DYSF: variants seen among roughly 807,000 people sequenced by gnomAD.
DYSF encodes the protein dystrophy-associated fer-1-like 1.
In DYSF, 212 loss-of-function variants were observed where a neutral mutation model predicts 274.9. The ratio of observed to expected loss-of-function variants is 0.77; its 90% CI spans 0.69 to 0.86. DYSF has a LOEUF of 0.86. DYSF is among the 40% of genes least tolerant of loss of function. The probability of loss-of-function intolerance (pLI) is 0.00; values close to 1 mark genes in which losing one functional copy is unlikely to be tolerated. For missense variants in DYSF, 2,666 were observed against 2,783.2 expected, an observed-to-expected ratio of 0.96 and a Z score of 0.95; for synonymous variants, 1,091 against 1,078.7, an observed-to-expected ratio of 1.01 and a Z score of -0.22.
chr2:71,522,888 G>A (rs2087453661), intron 12 of DYSF, among the ~76,000 whole-genome samples: 1 of 152,070 alleles, frequency 6.6e-6, no homozygotes. Flanking sequence ...CAAGCAGTTG[G>A]CCAGTCTTGT....
At position 71,503,714 on chromosome 2, in the gene DYSF, A is replaced by C. The variant is rs137989841; in HGVS notation, c.345+395A>C. 5.5e-4 allele frequency among the ~76,000 whole-genome samples: 83 copies of C among 152,172 alleles called. 2 individuals carry two copies. Among genetic ancestry groups the C allele is most frequent in the African/African-American group, 2.0e-3 (82 of 41,498 alleles). ...TCTCCAGATTCAGAATCTCTGAACC[A>C]TCTGGGTCACAGGGCATGAGGGATG... is the stretch of plus-strand genomic sequence containing the variant. On this transcript the variant is annotated intron_variant, in intron 4 of 55. Transcript: ENST00000410020.
intron 42 of DYSF, among the ~76,000 whole-genome samples, chr2:71,654,312 A>C (rs2094725276): frequency 6.6e-6 from 1 of 152,228 alleles, no homozygotes; most frequent in Non-Finnish European, 1.5e-5. Flanking sequence ...GGAGTATATA[A>C]ATCCATACAA....
Position 71,612,656 on chromosome 2 carries a change from G to T in DYSF, c.4237G>T (p.Glu1413Ter), listed in dbSNP as rs769773232. 6.2e-7 allele frequency: 1 copy of T among 1,614,094 alleles called. No individual in the cohort carries two copies. Among genetic ancestry groups the T allele is most frequent in the South Asian group, 1.1e-5 (1 of 91,062 alleles). ...LFMEVMLPRE[E>*]LYCPPITVKV... ...CTCCACCCAGATGCTGCCCAGGGAGGAGCTCTACTGCCCCCCCATCACCGT... is the reference window on the plus strand; with the variant it reads ...CTCCACCCAGATGCTGCCCAGGGAGTAGCTCTACTGCCCCCCCATCACCGT... Residue 1413 changes from glutamate to a stop codon, truncating the protein, a stop_gained, in exon 39 of 56, where the codon GAG becomes TAG. Transcript: ENST00000410020. LOFTEE classifies it high-confidence loss of function.
chr2:71,485,614 C>T (rs771436564), intron 3 of DYSF, among the ~76,000 whole-genome samples: 45 of 152,170 alleles, frequency 3.0e-4, no homozygotes, highest in Admixed American at 5.9e-4. Context: ...CAAGGTAATT[C>T]TGTCACCCCA....
intron 3 of DYSF, among the ~76,000 whole-genome samples, chr2:71,483,917 C>T (rs536117381): frequency 1.3e-5 from 2 of 152,074 alleles, no homozygotes; most frequent in Admixed American, 1.3e-4. Context: ...TCTGACAATG[C>T]CGGCGTTGAC....
At position 71,488,237 on chromosome 2, in the gene DYSF, T is replaced by G. The variant is rs531676911; in HGVS notation, c.239+6267T>G. Among the ~76,000 whole-genome samples the G allele has an allele frequency of 3.3e-5, 5 of 152,330 alleles. 1 individual carries two copies. The highest frequency in any genetic ancestry group is 1.2e-4 in the African/African-American group (5 of 41,570). ...GGTAAAAGAGAAAAAGAAAACAGTT[T>G]AATTGCTCTGTATGCAAAACATATC... On this transcript the variant is annotated intron_variant, in intron 3 of 55. Coordinates refer to ENST00000410020, the MANE Select transcript of DYSF (RefSeq NM_001130987.2).
intron 16 of DYSF, among the ~76,000 whole-genome samples, 165 bp from the exon 17 acceptor site, chr2:71,538,992 C>G (rs1299379960): frequency 6.6e-6 from 1 of 152,204 alleles, no homozygotes; most frequent in Non-Finnish European, 1.5e-5. Flanking sequence ...GTCTTCATCT[C>G]TGGGATTACC....
At position 71,659,027 on chromosome 2, in the gene DYSF, T is replaced by A; in HGVS notation, c.4905T>A (p.Asn1635Lys). The A allele has an allele frequency of 1.2e-6, 2 of 1,614,146 alleles. No individual in the cohort carries two copies. The highest frequency in any genetic ancestry group is 1.7e-6 in the Non-Finnish European group (2 of 1,180,012). Residue 1635 changes from asparagine (N) to lysine (K), a missense_variant, in exon 44 of 56, where the codon AAT (asparagine) becomes AAA (lysine). By Grantham distance (94) the Asn-to-Lys change is moderately conservative. Around this residue, in one of 3 missense-constraint regions of DYSF, gnomAD observed 1,460 missense variants for 1,502.1 expected, o/e 0.97. Coordinates refer to ENST00000410020, the MANE Select transcript of DYSF (RefSeq NM_001130987.2). ...RAFGLQPKDP[N>K]GKCDPYIKIS... ...TTGGCCTGCAGCCCAAGGACCCCAA[T>A]GGAAAGGTAACTTTCCTAGAGCCCT...
At chr2:71,510,734 C>T (rs2086006195) in intron 4 of DYSF, among the ~76,000 whole-genome samples, 1 of 152,202 alleles carries the variant, frequency 6.6e-6, no homozygotes, top group Non-Finnish European at 1.5e-5. Flanking sequence ...GTGCCAGAGC[C>T]ACTCAGAGGG....
intron 30 of DYSF, among the ~76,000 whole-genome samples, chr2:71,576,607 T>C (rs1307566494): frequency 6.6e-6 from 1 of 152,148 alleles, no homozygotes; most frequent in Non-Finnish European, 1.5e-5. Context: ...CTGGCAAGGC[T>C]GACACACACG....
At chr2:71,525,497 T>C (rs1381125144) in intron 12 of DYSF, among the ~76,000 whole-genome samples, 1 of 152,186 alleles carries the variant, frequency 6.6e-6, no homozygotes, top group Admixed American at 6.5e-5. Flanking sequence ...GTGCTAGGAT[T>C]ACAGGTGCGA....
chr2:71,481,059 G>A, intron 2 of DYSF, 121 bp downstream of exon 2: 1 of 1,008,528 alleles, frequency 9.9e-7, no homozygotes, highest in Non-Finnish European at 1.5e-6. Context: ...GGGAGGGGCT[G>A]GTGGTCCAGC....
chr2:71,492,404 T>C (rs2083931184), intron 3 of DYSF, among the ~76,000 whole-genome samples: 1 of 152,186 alleles, frequency 6.6e-6, no homozygotes, highest in African/African-American at 2.4e-5. Flanking sequence ...TCTCTCACTT[T>C]CCTGTCACCT....
intron 10 of DYSF, 44 bp downstream of exon 10, chr2:71,517,083 C>T (rs771357626): frequency 1.4e-5 from 22 of 1,583,114 alleles, no homozygotes; most frequent in Middle Eastern, 3.3e-4. Flanking sequence ...CTCACTTCTC[C>T]GTGTTGGTGG....
Position 71,539,369 on chromosome 2 carries a change from C to G in DYSF, c.1576+130C>G, listed in dbSNP as rs10174042. 0.022 allele frequency: 17,515 copies of G among 780,962 alleles called. 601 individuals are homozygous for G. The highest frequency in any genetic ancestry group is 0.13 in the African/African-American group (7,560 of 58,664). 48.4% of individuals were successfully genotyped at this position (780,962 alleles called of 1,614,324 possible). A position where few individuals can be genotyped will look rare whatever the true frequency, so the allele number is the denominator to read the frequency against. ...TTATAAGGCCTCTGTTGCCCATTTT[C>G]CACTGAGAAGAGCTCTGGCAATGAA... On this transcript the variant is annotated intron_variant, in intron 17 of 55. Transcript: ENST00000410020.
intron 41 of DYSF, among the ~76,000 whole-genome samples, chr2:71,640,479 T>A (rs2094469768): frequency 6.6e-6 from 1 of 152,212 alleles, no homozygotes; most frequent in Non-Finnish European, 1.5e-5. Context: ...TTGCAAAGAC[T>A]CAACTCTGCA....
chr2:71,597,906 C>G (rs1270863339), intron 32 of DYSF, among the ~76,000 whole-genome samples: 1 of 151,986 alleles, frequency 6.6e-6, no homozygotes, highest in African/African-American at 2.4e-5. Context: ...ACCTCATGCT[C>G]CCTCCAGTCT....
intron 48 of DYSF, 52 bp from the exon 49 acceptor site, chr2:71,668,702 A>C: frequency 9.1e-6 from 14 of 1,544,432 alleles, no homozygotes; most frequent in South Asian, 1.1e-5. Flanking sequence ...GGTGCTTGGT[A>C]ACAGCTGGTT....
intron 7 of DYSF, 23 bp downstream of exon 7, chr2:71,513,944 C>T: frequency 6.2e-7 from 1 of 1,613,776 alleles, no homozygotes; most frequent in East Asian, 2.2e-5. Context: ...CTTTCTCTGA[C>T]CCCAGGCTCC....
Sources: gnomAD v4.1 joint callset for allele counts (sites outside exome capture counted in the v4.1 genomes callset) on GRCh38, gnomAD v4.1.1 for gene constraint, gnomAD v4.1.1 regional missense constraint, MANE v1.5 for transcripts, NCBI Gene and HGNC (gene_info 2026-07-23, HGNC 2026-07-21) for gene names.